ZNF202: variants seen among roughly 807,000 people sequenced by gnomAD.
The protein encoded by ZNF202 is zinc finger protein with KRAB and SCAN domains 10.
Under a neutral mutation model 54.5 loss-of-function variants are expected in ZNF202, and 22 were observed. That is an observed-to-expected ratio of 0.40 (90% CI 0.29 to 0.58). The LOEUF is 0.58. Ranked by LOEUF, ZNF202 falls within the 20% of genes least tolerant of loss-of-function variation. The pLI is 0.39. For missense variants in ZNF202, 644 were observed against 805.5 expected (o/e 0.80, Z 2.43); for synonymous variants, 294 against 301.4 (o/e 0.98, Z 0.26).
In ZNF202 at chr11:123,728,273, A is replaced by G. The variant is rs559255479; in HGVS notation, c.703-11T>C. 7.5e-5 allele frequency: 120 copies of G among 1,602,354 alleles called. No homozygotes were observed. The South Asian group carries it at 1.1e-3, about 14-fold the overall frequency. Reference sequence around the variant, plus strand: ...GAACGTTACCAGTCCCTGAAACCACATAAGGATTTCATCAAAACGTGATGC... The same window carrying G: ...GAACGTTACCAGTCCCTGAAACCACGTAAGGATTTCATCAAAACGTGATGC... On this transcript the variant is annotated splice_polypyrimidine_tract_variant and intron_variant, in intron 6 of 8. Coordinates refer to ENST00000530393, the MANE Select transcript of ZNF202 (RefSeq NM_003455.4).
At chr11:123,739,224 A>T (rs1557425) in intron 3 of ZNF202, among the ~76,000 whole-genome samples, 103,745 of 152,148 alleles carry the variant, frequency 0.68, 35,564 homozygotes, top group Middle Eastern at 0.82. Flanking sequence ...AATTTGGCAT[A>T]AGCATTTATT....
Position 123,726,303 on chromosome 11 carries a change from A to G in ZNF202, c.1641T>C (p.Ser547=). The G allele has an allele frequency of 6.2e-7, 1 of 1,614,174 alleles. No homozygotes were observed. ...GGTGCGCCAGGTACCGCCTGTGTTC[A>G]CTGAAGTCCTCACCACACTCTCCAC... ...YLCGECGEDF[S]EHRRYLAHRK... The change falls in exon 9 of 9, where the codon AGT becomes AGC. Residue 547 remains serine, a synonymous_variant. Transcript: ENST00000530393. The surrounding 1 kb of genome is among the most constrained non-coding windows in gnomAD (Gnocchi z 6.0).
At position 123,726,848 on chromosome 11, in the gene ZNF202, T is replaced by G; in HGVS notation, c.1096A>C (p.Asn366His). ...ATATTAGTACCAAATCTTCTTTCAT[T>G]AAGTCTACCTGGATTGTCCTCAAAG... is the stretch of plus-strand genomic sequence containing the variant. The part of the protein sequence containing the change: ...IVFEDNPGRL[N>H]ERRFGTNISQ... The change falls in exon 9 of 9, where the codon AAT becomes CAT. Residue 366 changes from asparagine (N) to histidine (H), a missense_variant. By Grantham distance (68) the Asn-to-His change is moderately conservative (BLOSUM62 1). Transcript: ENST00000530393. The surrounding 1 kb of genome is among the most constrained non-coding windows in gnomAD (Gnocchi z 6.0). 1 of 1,614,184 alleles carries G rather than the reference T, an allele frequency of 6.2e-7. No individual in the cohort carries two copies. The highest frequency in any genetic ancestry group is 1.1e-5 in the South Asian group (1 of 91,084).
At chr11:123,738,455 A>G (rs1257881173) in intron 3 of ZNF202, among the ~76,000 whole-genome samples, 3 of 152,212 alleles carry the variant, frequency 2.0e-5, no homozygotes, top group African/African-American at 7.2e-5. Context: ...AGGTCAAGCT[A>G]TATGTCTCAG....
At chr11:123,738,139 G>A (rs1861707484) in intron 3 of ZNF202, among the ~76,000 whole-genome samples, 1 of 152,124 alleles carries the variant, frequency 6.6e-6, no homozygotes, top group East Asian at 1.9e-4. Flanking sequence ...AGCCTCCTAA[G>A]TATCTGGGAC....
intron 3 of ZNF202, among the ~76,000 whole-genome samples, chr11:123,732,639 C>T (rs951277314): frequency 1.3e-5 from 2 of 152,116 alleles, no homozygotes; most frequent in Non-Finnish European, 2.9e-5. Context: ...CCTCTCTATC[C>T]CAGTATTGGT....
intron 3 of ZNF202, among the ~76,000 whole-genome samples, chr11:123,738,035 T>C (rs990922140): frequency 1.3e-5 from 2 of 152,176 alleles, no homozygotes; most frequent in Non-Finnish European, 2.9e-5. Flanking sequence ...AGTTTTGAGA[T>C]AGGGTTTACT....
At chr11:123,737,430 G>A (rs1050330168) in intron 3 of ZNF202, among the ~76,000 whole-genome samples, 1 of 152,052 alleles carries the variant, frequency 6.6e-6, no homozygotes, top group Non-Finnish European at 1.5e-5. Flanking sequence ...TGAGTAGTGA[G>A]GGGAGAAATG....
intron 4 of ZNF202, 53 bp from the exon 5 acceptor site, chr11:123,729,878 T>C: frequency 1.3e-6 from 2 of 1,528,548 alleles, no homozygotes; most frequent in Non-Finnish European, 1.8e-6. Context: ...AAGTTCTTGG[T>C]TGTCACGGGA....
intron 3 of ZNF202, among the ~76,000 whole-genome samples, chr11:123,736,431 G>A (rs1861636260): frequency 6.6e-6 from 1 of 152,052 alleles, no homozygotes. Flanking sequence ...CCTTAATGCA[G>A]GCCTATAGTT....
intron 6 of ZNF202, among the ~76,000 whole-genome samples, chr11:123,728,784 T>C (rs1861269961): frequency 6.6e-6 from 1 of 151,912 alleles, no homozygotes; most frequent in Admixed American, 6.6e-5. Context: ...CAGTACAGTC[T>C]GTCATACTTA....
In ZNF202 at chr11:123,728,384, C is replaced by T. The variant is rs527451245; in HGVS notation, c.703-122G>A. On this transcript the variant is annotated intron_variant, in intron 6 of 8. Coordinates refer to ENST00000530393, the MANE Select transcript of ZNF202 (RefSeq NM_003455.4). The stretch of plus-strand genomic sequence containing the variant: ...AGATGAAAGGAGCTTGAGTGGCGGG[C>T]TGCTTAAACTCATTCTCGGGGGAGC... The T allele has an allele frequency of 2.4e-5, 30 of 1,273,746 alleles. No homozygotes were observed. The African/African-American group carries it at 4.0e-4, about 17-fold the overall frequency. The allele number at this position is 1,273,746 out of a possible 1,614,324, so 78.9% of individuals were successfully genotyped here. A position where few individuals can be genotyped will look rare whatever the true frequency, so the allele number is the denominator to read the frequency against.
chr11:123,734,704 G>A (rs933812928), intron 3 of ZNF202, among the ~76,000 whole-genome samples: 2 of 152,132 alleles, frequency 1.3e-5, no homozygotes, highest in African/African-American at 4.8e-5. Context: ...GCTGTGCCCA[G>A]CTCGATGCCT....
At chr11:123,731,021 C>A in intron 3 of ZNF202, 36 bp from the exon 4 acceptor site, 1 of 1,052,490 alleles carries the variant, frequency 9.5e-7, no homozygotes, top group Non-Finnish European at 1.4e-6. Context: ...AGAGTATAAG[C>A]ATGAAACTAT....
At position 123,730,560 on chromosome 11, in the gene ZNF202, C is replaced by T. The variant is rs1316070380; in HGVS notation, c.329G>A (p.Arg110Gln). The T allele has an allele frequency of 8.8e-6, 14 of 1,584,084 alleles. No individual in the cohort carries two copies. The highest frequency in any genetic ancestry group is 3.5e-5 in the South Asian group (3 of 85,158). The change falls in exon 4 of 9, where the codon CGG becomes CAG. Residue 110 changes from arginine (R) to glutamine (Q), a missense_variant. By Grantham distance (43) the Arg-to-Gln change is conservative. This residue lies in a region of ZNF202 where 62 missense variants were observed against 122.8 expected (regional missense o/e 0.50). Transcript: ENST00000530393. This position sits in a 1 kb window ranked among gnomAD's most constrained non-coding sequence, Gnocchi z 6.0. ...CACTGCCTCCTCGCCACTTTCTGGCCGTTGGCCCCGCACCCAGCTCTGTAG... is the reference window on the plus strand; with the variant it reads ...CACTGCCTCCTCGCCACTTTCTGGCTGTTGGCCCCGCACCCAGCTCTGTAG... ...GELQSWVRGQRPESGEEAVTL... is the reference protein window; with the variant it reads ...GELQSWVRGQQPESGEEAVTL...
rs572843136 is a variant in ZNF202, at chr11:123,725,875, G to C, written c.*122C>G. 1.7e-6 allele frequency: 2 copies of C among 1,184,380 alleles called. No individual in the cohort carries two copies. Among genetic ancestry groups the C allele is most frequent in the Admixed American group, 2.8e-5 (1 of 35,642 alleles). The allele number at this position is 1,184,380 out of a possible 1,614,324, so 73.4% of individuals were successfully genotyped here. On this transcript the variant is annotated 3_prime_UTR_variant, in exon 9 of 9. Transcript: ENST00000530393. ...TTAGTTGCAGGAAGAGGTAATGTCA[G>C]ATCTGAGCAGGTCAGGGAGACTCCC...
intron 2 of ZNF202, 42 bp from the exon 3 acceptor site, chr11:123,740,234 T>G (rs1861805446): frequency 6.6e-6 from 1 of 152,274 alleles, no homozygotes; most frequent in Non-Finnish European, 1.5e-5. Context: ...AGGGTATAGC[T>G]GGAGGAGAAA....
At chr11:123,732,277 CCTAT>C (rs1310956728) in intron 3 of ZNF202, among the ~76,000 whole-genome samples, 4 of 152,210 alleles carry the variant, frequency 2.6e-5, no homozygotes, top group East Asian at 1.9e-4. Context: ...ATGTCCCTTT[CCTAT>C]CTAAGATCCT....
rs1288174661 is a variant in ZNF202, at chr11:123,727,192, A to G, written c.953-201T>C. On this transcript the variant is annotated intron_variant, in intron 8 of 8. Transcript: ENST00000530393. Reference sequence around the variant, plus strand: ...TAATCTTCATTTTACAAATGCAGAGATTGAGAATCGAGGGTTTAAGGGAAT... The same window carrying G: ...TAATCTTCATTTTACAAATGCAGAGGTTGAGAATCGAGGGTTTAAGGGAAT... Among the ~76,000 whole-genome samples, 3 of 152,370 alleles carry G rather than the reference A, an allele frequency of 2.0e-5. No homozygotes were observed. In the East Asian group the frequency reaches 5.8e-4, roughly 29 times the overall value.
Sources: allele counts gnomAD v4.1 joint callset (sites outside exome capture counted in the v4.1 genomes callset), GRCh38; gene constraint gnomAD v4.1.1; regional missense constraint gnomAD v4.1.1; non-coding constraint Gnocchi (gnomAD v3.1); transcripts MANE v1.5; gene names NCBI Gene and HGNC (gene_info 2026-07-23, HGNC 2026-07-21).